MAPKAP1: variants seen among roughly 807,000 people sequenced by gnomAD.
MAPKAP1 encodes MAPK associated protein 1.
MAPKAP1 carries 20 observed loss-of-function variants against 65.7 expected under a neutral mutation model. The observed-to-expected ratio is 0.30, with a 90% CI of 0.21 to 0.44. The LOEUF is 0.44. Among genes scored for constraint, MAPKAP1 ranks in the 20% least tolerant of loss-of-function variants. The probability of loss-of-function intolerance (pLI) is 1.00; values close to 1 mark genes in which losing one functional copy is unlikely to be tolerated. For missense variants in MAPKAP1, 423 were observed against 648.0 expected (o/e 0.65, Z 3.77); for synonymous variants, 222 against 244.3 (o/e 0.91, Z 0.85).
chr9:125,459,859 G>A (rs868505706), intron 10 of MAPKAP1, among the ~76,000 whole-genome samples: 1 of 149,934 alleles, frequency 6.7e-6, no homozygotes, highest in African/African-American at 2.5e-5. Context: ...ACCGTGGGGA[G>A]AGGGAGAGGG....
intron 4 of MAPKAP1, among the ~76,000 whole-genome samples, chr9:125,603,344 A>C (rs1460382865): frequency 6.6e-6 from 1 of 152,204 alleles, no homozygotes. Flanking sequence ...AGGTGGCAGT[A>C]CCCAATTGTG....
intron 6 of MAPKAP1, among the ~76,000 whole-genome samples, chr9:125,556,905 GAGAAA>G (rs1173079435): frequency 6.6e-6 from 1 of 152,178 alleles, no homozygotes; most frequent in Non-Finnish European, 1.5e-5. Flanking sequence ...TCAGACGACT[GAGAAA>G]AAGAAAATTT....
At chr9:125,701,819 G>GAT (rs1835608178) in intron 1 of MAPKAP1, among the ~76,000 whole-genome samples, 1 of 152,202 alleles carries the variant, frequency 6.6e-6, no homozygotes, top group Non-Finnish European at 1.5e-5. Context: ...CATCTCACCA[G>GAT]CCAGATCTAT....
At chr9:125,643,768 T>C (rs1833646082) in intron 4 of MAPKAP1, among the ~76,000 whole-genome samples, 1 of 152,194 alleles carries the variant, frequency 6.6e-6, no homozygotes, top group African/African-American at 2.4e-5. Flanking sequence ...AGGACATATA[T>C]ATAATTAGGC....
intron 6 of MAPKAP1, among the ~76,000 whole-genome samples, chr9:125,553,786 C>T (rs2133198111): frequency 6.6e-6 from 1 of 152,170 alleles, no homozygotes; most frequent in South Asian, 2.1e-4. Flanking sequence ...CCTATAATCC[C>T]AGCACTTTGG....
intron 11 of MAPKAP1, among the ~76,000 whole-genome samples, chr9:125,444,199 C>T (rs1186638649): frequency 6.6e-6 from 1 of 152,228 alleles, no homozygotes; most frequent in South Asian, 2.1e-4. Flanking sequence ...GGAAAATAAA[C>T]AGTACATAAA....
chr9:125,459,719 G>A (rs1388331927), intron 10 of MAPKAP1, among the ~76,000 whole-genome samples: 1 of 152,182 alleles, frequency 6.6e-6, no homozygotes, highest in Non-Finnish European at 1.5e-5. Flanking sequence ...GCAGGCTGAG[G>A]CAGGAGAATC....
chr9:125,485,442 C>T (rs566098181), intron 8 of MAPKAP1, among the ~76,000 whole-genome samples: 6 of 152,382 alleles, frequency 3.9e-5, no homozygotes, highest in African/African-American at 1.4e-4. Flanking sequence ...TTCCCTGGCT[C>T]CACGGCCTCC....
rs143938571 is a variant in MAPKAP1, at chr9:125,647,557, G to A, written c.498+10094C>T. Among the ~76,000 whole-genome samples, 197 of 152,280 alleles carry A rather than the reference G, an allele frequency of 1.3e-3. 1 individual carries two copies. Among genetic ancestry groups the A allele is most frequent in the African/African-American group, 4.5e-3 (188 of 41,566 alleles). On this transcript the variant is annotated intron_variant, in intron 4 of 11. Transcript: ENST00000265960. ...ACATTTGCTCTCTGGTTTGTTGTTC[G>A]TGGTTCTGTTCCTCTGCTCGGTCAG... is the stretch of plus-strand genomic sequence containing the variant.
intron 7 of MAPKAP1, among the ~76,000 whole-genome samples, chr9:125,531,296 C>T (rs753099216): frequency 4.6e-5 from 7 of 152,228 alleles, no homozygotes; most frequent in Non-Finnish European, 7.3e-5. Flanking sequence ...ACTAGCTGTG[C>T]GACCTCAGCA....
At chr9:125,616,275 T>C (rs1832745766) in intron 4 of MAPKAP1, among the ~76,000 whole-genome samples, 1 of 152,166 alleles carries the variant, frequency 6.6e-6, no homozygotes, top group Non-Finnish European at 1.5e-5. Flanking sequence ...TTAAATACAA[T>C]TTGGGAAAAT....
chr9:125,492,618 A>G (rs1253667574), intron 8 of MAPKAP1, among the ~76,000 whole-genome samples: 2 of 152,144 alleles, frequency 1.3e-5, no homozygotes, highest in Non-Finnish European at 2.9e-5. Flanking sequence ...GCTCAGATGA[A>G]CTCACCGTAT....
chr9:125,678,537 C>T (rs574097622), intron 1 of MAPKAP1, among the ~76,000 whole-genome samples: 20 of 152,286 alleles, frequency 1.3e-4, no homozygotes, highest in Admixed American at 9.8e-4. Flanking sequence ...CCACCGCGCC[C>T]GGCCCAGGCA....
intron 4 of MAPKAP1, among the ~76,000 whole-genome samples, chr9:125,641,673 C>A (rs374194375): frequency 6.6e-6 from 1 of 152,028 alleles, no homozygotes; most frequent in Non-Finnish European, 1.5e-5. Flanking sequence ...TGGGAGGCCA[C>A]GGCAGGAGGT....
chr9:125,574,703 C>T (rs10986804), intron 5 of MAPKAP1, among the ~76,000 whole-genome samples: 3,002 of 152,304 alleles, frequency 0.02, 162 homozygotes, highest in East Asian at 0.15. Flanking sequence ...GACTAAATTA[C>T]ACTACTACTG....
chr9:125,515,367 C>T (rs1306324023), intron 7 of MAPKAP1, among the ~76,000 whole-genome samples: 2 of 152,118 alleles, frequency 1.3e-5, no homozygotes, highest in Non-Finnish European at 2.9e-5. Context: ...AGGCCCATTC[C>T]AACTTTTATC....
intron 4 of MAPKAP1, among the ~76,000 whole-genome samples, chr9:125,640,393 A>G (rs891922217): frequency 2.6e-5 from 4 of 152,008 alleles, no homozygotes; most frequent in South Asian, 2.1e-4. Context: ...GTGAGCCACC[A>G]TGCCCGGCCA....
intron 4 of MAPKAP1, among the ~76,000 whole-genome samples, chr9:125,594,868 T>C (rs1832080412): frequency 6.6e-6 from 1 of 152,132 alleles, no homozygotes; most frequent in African/African-American, 2.4e-5. Flanking sequence ...ACCTACCAAT[T>C]CTCTATCCCA....
intron 4 of MAPKAP1, among the ~76,000 whole-genome samples, chr9:125,608,705 G>A (rs2083522192): frequency 6.6e-6 from 1 of 152,116 alleles, no homozygotes; most frequent in African/African-American, 2.4e-5. Flanking sequence ...TTTCCCTGGG[G>A]TTTCCTTTCC....
Sources: allele counts gnomAD v4.1 joint callset (sites outside exome capture counted in the v4.1 genomes callset), GRCh38; gene constraint gnomAD v4.1.1; transcripts MANE v1.5; gene names NCBI Gene and HGNC (gene_info 2026-07-23, HGNC 2026-07-21).